Variants in AMZ1 observed in about 807,000 individuals in gnomAD.
AMZ1 encodes archaemetzincin-1.
Under a neutral mutation model 29.9 loss-of-function variants are expected in AMZ1, and 39 were observed. The observed-to-expected ratio is 1.30, with a 90% CI of 1.01 to 1.70. AMZ1 has a LOEUF of 1.70. Ranked by LOEUF, AMZ1 falls within the 40% of genes most tolerant of loss-of-function variation. The pLI, the probability that AMZ1 is intolerant of heterozygous loss-of-function variation, is 0.00. For missense variants in AMZ1, 1,041 were observed against 680.6 expected (o/e 1.53, Z -5.89); for synonymous variants, 458 against 304.0 (o/e 1.51, Z -5.27).
intron 6 of AMZ1, among the ~76,000 whole-genome samples, chr7:2,711,126 C>T (rs1383225542): frequency 3.3e-5 from 5 of 152,198 alleles, no homozygotes; most frequent in African/African-American, 1.2e-4. Context: ...CCAGAGCTCT[C>T]TCCGTTCCGT....
chr7:2,746,174 T>C (rs974403103), intron 4 of AMZ1, among the ~76,000 whole-genome samples: 15 of 152,180 alleles, frequency 9.9e-5, no homozygotes, highest in African/African-American at 3.4e-4. Flanking sequence ...GCAGACCTAA[T>C]AGACATCTAC....
At chr7:2,756,649 G>C (rs1791311962) in intron 4 of AMZ1, among the ~76,000 whole-genome samples, 2 of 152,192 alleles carry the variant, frequency 1.3e-5, no homozygotes, top group South Asian at 4.1e-4. Flanking sequence ...GAGGATCTGT[G>C]TGATCTTGGG....
At chr7:2,744,354 G>C (rs1016588235) in intron 4 of AMZ1, among the ~76,000 whole-genome samples, 6 of 152,182 alleles carry the variant, frequency 3.9e-5, no homozygotes, top group African/African-American at 1.4e-4. Flanking sequence ...CAGCATTTGT[G>C]GGTCACCAAT....
chr7:2,730,021 G>A (rs1489098778), intron 4 of AMZ1: 1 of 152,396 alleles, frequency 6.6e-6, no homozygotes, highest in Non-Finnish European at 1.5e-5. Flanking sequence ...ATGAGAATCA[G>A]ACTTAGGGAG....
At chr7:2,700,881 G>C (rs1788015680) in intron 2 of AMZ1, 126 bp downstream of exon 2, 1 of 1,299,774 alleles carries the variant, frequency 7.7e-7, no homozygotes, top group Admixed American at 2.5e-5. Context: ...TGGGTGTATG[G>C]GATGCCAGGG....
intron 1 of AMZ1, among the ~76,000 whole-genome samples, chr7:2,695,848 T>C (rs1032880159): frequency 6.6e-6 from 1 of 151,928 alleles, no homozygotes; most frequent in Admixed American, 6.6e-5. Context: ...CCGTCTCTAC[T>C]AAAAATACAA....
chr7:2,756,027 G>C (rs1041314016), intron 4 of AMZ1, among the ~76,000 whole-genome samples: 3 of 152,114 alleles, frequency 2.0e-5, no homozygotes, highest in African/African-American at 7.2e-5. Context: ...TTATAAAGAA[G>C]AACAACGTTT....
chr7:2,730,950 G>A (rs1279644656), intron 4 of AMZ1: 2 of 521,818 alleles, frequency 3.8e-6, no homozygotes, highest in African/African-American at 3.8e-5. Context: ...TCATCACTCG[G>A]ATTTTCAGTA....
chr7:2,703,503 T>G (rs1045590640), intron 3 of AMZ1, among the ~76,000 whole-genome samples: 1 of 103,050 alleles, frequency 9.7e-6, no homozygotes, highest in Non-Finnish European at 1.8e-5. Context: ...CATAGTACTT[T>G]ACACGTGCCT....
In AMZ1 at chr7:2,709,094, C is replaced by T. The variant is rs143141138; in HGVS notation, c.621C>T (p.Phe207=). 2.1e-4 allele frequency: 328 copies of T among 1,597,708 alleles called. No individual in the cohort carries two copies. Among genetic ancestry groups the T allele is most frequent in the African/African-American group, 1.2e-3 (92 of 74,382 alleles). ...LPGHEVGVCS[F]ARFSGEFPKS... ...CTCCAGAAGTGGGCGTCTGCAGCTT[C>T]GCCCGGTTCTCAGGGGAATTCCCGA... The change falls in exon 5 of 7, where the codon TTC becomes TTT. Residue 207 remains phenylalanine, a synonymous_variant. Coordinates refer to ENST00000683327, the MANE Select transcript of AMZ1 (RefSeq NM_001384743.1).
intron 1 of AMZ1, among the ~76,000 whole-genome samples, chr7:2,693,414 C>T (rs1787522822): frequency 6.6e-6 from 1 of 151,546 alleles, no homozygotes; most frequent in Admixed American, 6.6e-5. Flanking sequence ...CAGGGTCTTG[C>T]TGTCATCCAG....
chr7:2,755,211 C>T (rs1204706418), intron 4 of AMZ1, among the ~76,000 whole-genome samples: 3 of 152,198 alleles, frequency 2.0e-5, no homozygotes, highest in African/African-American at 7.2e-5. Context: ...GCCCCTCCCA[C>T]TTTATTCTTT....
chr7:2,685,817 C>T (rs1423919409), upstream of AMZ1, among the ~76,000 whole-genome samples: 1 of 145,034 alleles, frequency 6.9e-6, no homozygotes, highest in South Asian at 2.2e-4. Context: ...CACGCCACTG[C>T]ACTCCAGCCT....
chr7:2,683,917 C>G (rs138668605), upstream of AMZ1, among the ~76,000 whole-genome samples: 4 of 151,524 alleles, frequency 2.6e-5, no homozygotes, highest in Non-Finnish European at 5.9e-5. Flanking sequence ...GTGGCTCATG[C>G]CTATAATCCC....
chr7:2,702,941 G>A (rs1028248348), intron 3 of AMZ1, 52 bp downstream of exon 3: 1 of 1,515,482 alleles, frequency 6.6e-7, no homozygotes. Context: ...CCTTCTGGAA[G>A]GAAGAGGTGG....
rs557616088 is a variant in AMZ1 at position 2,746,096 on chromosome 7, C to T, written n.551-18616C>T. Among the ~76,000 whole-genome samples, 1,350 of 152,292 alleles carry T rather than the reference C, an allele frequency of 8.9e-3. 7 individuals carry two copies. The highest frequency in any genetic ancestry group is 0.015 in the Non-Finnish European group (1,039 of 68,018). The stretch of plus-strand genomic sequence containing the variant: ...GGAGACTTTAACACCCCACTGTCAA[C>T]ATTAGACAGATCAACGAGACAGAAA... On this transcript the variant is annotated intron_variant and non_coding_transcript_variant, in intron 4 of 4. Coordinates refer to the AMZ1 transcript ENST00000489665.
At chr7:2,702,396 C>T (rs891339776) in intron 2 of AMZ1, 3 of 320,286 alleles carry the variant, frequency 9.4e-6, no homozygotes, top group African/African-American at 6.5e-5. Context: ...CTGTGTGCTG[C>T]CTGCTCAGCT....
chr7:2,702,918 G>A (rs774327379), intron 3 of AMZ1, 29 bp downstream of exon 3: 2 of 1,551,876 alleles, frequency 1.3e-6, no homozygotes, highest in South Asian at 1.2e-5. Context: ...CGCCGCTCAG[G>A]CCAAGGCAGG....
At chr7:2,728,804 G>C (rs1482728196) in intron 4 of AMZ1, 1 of 152,352 alleles carries the variant, frequency 6.6e-6, no homozygotes, top group Non-Finnish European at 1.5e-5. Context: ...AATTTGGAAG[G>C]GGGTGTCTTT....
Sources: allele counts gnomAD v4.1 joint callset (sites outside exome capture counted in the v4.1 genomes callset), GRCh38; gene constraint gnomAD v4.1.1; transcripts MANE v1.5; gene names NCBI Gene and HGNC (gene_info 2026-07-23, HGNC 2026-07-21).